Variants in DGKH observed in about 807,000 individuals in gnomAD.
The protein encoded by DGKH is diacylglycerol kinase eta, also known as DAG kinase eta.
In DGKH, 90 loss-of-function variants were observed where a neutral mutation model predicts 159.3. The observed-to-expected ratio is 0.57, with a 90% CI of 0.48 to 0.67. The LOEUF is 0.67. Among genes scored for constraint, DGKH ranks in the 30% least tolerant of loss-of-function variants. The pLI is 0.00. For missense variants in DGKH, 1,181 were observed against 1,506.1 expected (o/e 0.78, Z 3.57); for synonymous variants, 536 against 553.8 (o/e 0.97, Z 0.45).
chr13:42,252,437 C>T (rs1316115490), exon 30 of DGKH: 1 of 152,050 alleles, frequency 6.6e-6, no homozygotes, highest in Non-Finnish European at 1.5e-5. Flanking sequence ...AGATGGTCAC[C>T]TGCTTCTCTA....
intron 3 of DGKH, among the ~76,000 whole-genome samples, chr13:42,152,632 A>G (rs9533018): frequency 0.98 from 146,323 of 149,902 alleles, 71,510 homozygotes; most frequent in East Asian, 1. Context: ...GGCAGGGCAG[A>G]AGGGCACAGC....
Position 42,165,477 on chromosome 13 carries a change from A to G in DGKH, c.958+44A>G, listed in dbSNP as rs116874466. ...AGTACGTATATTTCTGGTATATTTA[A>G]CATTGATATGTATATTTCTTTTCCT... On this transcript the variant is annotated intron_variant, in intron 8 of 29. Transcript: ENST00000337343. 2,739 of 1,080,668 alleles carry G rather than the reference A, an allele frequency of 2.5e-3. 32 individuals are homozygous for G. The East Asian group carries it at 0.034, about 13-fold the overall frequency. The allele number at this position is 1,080,668 out of a possible 1,614,324, so 66.9% of individuals were successfully genotyped here.
At position 42,229,627 on chromosome 13, in the gene DGKH, G is replaced by A. The variant is rs1566219290; in HGVS notation, c.*439G>A. The A allele has an allele frequency of 6.5e-6, 1 of 154,264 alleles. No individual in the cohort carries two copies. The highest frequency in any genetic ancestry group is 1.4e-5 in the Non-Finnish European group (1 of 69,564). 9.6% of individuals were successfully genotyped at this position (154,264 alleles called of 1,614,324 possible). The stretch of plus-strand genomic sequence containing the variant: ...ATTTTCTTAAAATCATAGGTTAGGA[G>A]ACTAAAATATAAATTAAGTTGTGAT... On this transcript the variant is annotated 3_prime_UTR_variant, in exon 30 of 30. Coordinates refer to ENST00000337343, the MANE Select transcript of DGKH (RefSeq NM_178009.5).
Position 42,127,206 on chromosome 13 carries a change from A to G in DGKH, c.193-257A>G, listed in dbSNP as rs117926697. 6.5e-3 allele frequency among the ~76,000 whole-genome samples: 987 copies of G among 152,290 alleles called. 10 individuals carry two copies. Among genetic ancestry groups the G allele is most frequent in the Admixed American group, 0.011 (162 of 15,292 alleles). On this transcript the variant is annotated intron_variant, in intron 1 of 29. Transcript: ENST00000337343. The stretch of plus-strand genomic sequence containing the variant: ...CAGTGTGCACATAACACTGTATTGC[A>G]AGTATTAGTGTATGTGCATGTGTCT...
intron 1 of DGKH, among the ~76,000 whole-genome samples, chr13:42,099,056 T>C (rs1262910604): frequency 6.6e-6 from 1 of 152,192 alleles, no homozygotes; most frequent in African/African-American, 2.4e-5. Context: ...GGTTGCTTCA[T>C]CCCTGCTTGT....
At chr13:42,215,472 G>C (rs147192720) in intron 25 of DGKH, 103 bp from the exon 26 acceptor site, 3 of 865,566 alleles carry the variant, frequency 3.5e-6, no homozygotes, top group African/African-American at 3.4e-5. Flanking sequence ...GATTAAAAAT[G>C]TGTGCTGTGA....
chr13:42,237,775 GTGAT>G lies in DGKH; in HGVS notation c.*8592_*8595del, dbSNP rs1311631384. ...CAAATATCTGTGCTTTCTCATCTCAGTGATTGATGTCTGGAGAACTAGTCAGACA... is the reference window on the plus strand; with the variant it reads ...CAAATATCTGTGCTTTCTCATCTCAGTGATGTCTGGAGAACTAGTCAGACA... On this transcript the variant is annotated 3_prime_UTR_variant, in exon 30 of 30. Transcript: ENST00000337343. The G allele has an allele frequency of 6.6e-6, 1 of 152,208 alleles. No individual in the cohort carries two copies. Among genetic ancestry groups the G allele is most frequent in the African/African-American group, 2.4e-5 (1 of 41,452 alleles). 9.4% of individuals were successfully genotyped at this position (152,208 alleles called of 1,614,324 possible). A position where few individuals can be genotyped will look rare whatever the true frequency, so the allele number is the denominator to read the frequency against.
intron 3 of DGKH, chr13:42,138,067 A>G (rs1343067614): frequency 5.1e-6 from 5 of 985,152 alleles, no homozygotes; most frequent in Non-Finnish European, 6.0e-6. Context: ...TAGTCATCTC[A>G]TTCCCTGTGA....
rs1417076389 is a variant in DGKH, at chr13:42,207,003, C to CTTTCTTTCTTTCTTTCTT, written c.2601+859_2601+876dup. 5.0e-5 allele frequency among the ~76,000 whole-genome samples: 7 copies of CTTTCTTTCTTTCTTTCTT among 141,206 alleles called. 1 individual carries two copies. Among genetic ancestry groups the CTTTCTTTCTTTCTTTCTT allele is most frequent in the Non-Finnish European group, 9.2e-5 (6 of 65,482 alleles). The allele number at this position is 141,206 out of a possible 152,430, so 92.6% of individuals were successfully genotyped here. On this transcript the variant is annotated intron_variant, in intron 21 of 29. Transcript: ENST00000337343. ...TCTTTCTTTCTTTCTTTCTTTCTTT[C>CTTTCTTTCTTTCTTTCTT]TTTCTTTCTTTCTTTCTTTCTTTTT...
chr13:42,155,261 A>G, intron 3 of DGKH, 30 bp from the exon 4 acceptor site: 2 of 1,516,408 alleles, frequency 1.3e-6, no homozygotes, highest in Non-Finnish European at 1.8e-6. Flanking sequence ...TTGGGTATTA[A>G]CAATCATTAG....
chr13:42,207,693 GTGTATATATA>G (rs1359709082), intron 21 of DGKH, among the ~76,000 whole-genome samples: 3 of 126,534 alleles, frequency 2.4e-5, no homozygotes, highest in South Asian at 2.9e-4. Context: ...TTATTAAAGT[GTGTATATATA>G]TATATATATA....
At position 42,155,311 on chromosome 13, in the gene DGKH, G is replaced by T; in HGVS notation, c.405G>T (p.Arg135Ser). ...NSFTIITPFR[R>S]LMLCAENRKE... ...TTCAGATCATCACTCCATTCAGAAGGCTAATGCTGTGTGCTGAGAACAGAA... is the reference window on the plus strand; with the variant it reads ...TTCAGATCATCACTCCATTCAGAAGTCTAATGCTGTGTGCTGAGAACAGAA... Residue 135 changes from arginine to serine, a missense_variant, in exon 4 of 30, where the codon AGG becomes AGT. By Grantham distance (110) the Arg-to-Ser change is moderately radical. Transcript: ENST00000337343. 1.9e-6 allele frequency: 3 copies of T among 1,610,118 alleles called. No individual in the cohort carries two copies. Among genetic ancestry groups the T allele is most frequent in the Middle Eastern group, 1.7e-4 (1 of 6,054 alleles).
Position 42,159,334 on chromosome 13 carries a change from G to C in DGKH, c.691G>C (p.Ala231Pro), listed in dbSNP as rs769518173. The C allele has an allele frequency of 6.4e-7, 1 of 1,567,308 alleles. No individual in the cohort carries two copies. The highest frequency in any genetic ancestry group is 1.1e-5 in the South Asian group (1 of 90,394). ...AAATAACTGTAAATGGACTACCCTG[G>C]CCTCCATCGGGAAGGACATTATAGA... ...ATNNCKWTTL[A>P]SIGKDIIEDE... The change falls in exon 6 of 30, where the codon GCC becomes CCC. Residue 231 changes from alanine (A) to proline (P), a missense_variant. This residue lies in a region of DGKH where 369 missense variants were observed against 519.4 expected (regional missense o/e 0.71). Coordinates refer to ENST00000337343, the MANE Select transcript of DGKH (RefSeq NM_178009.5).
At chr13:42,209,559 T>C (rs1957586785) in intron 23 of DGKH, 94 bp downstream of exon 23, 2 of 1,311,230 alleles carry the variant, frequency 1.5e-6, no homozygotes, top group African/African-American at 3.0e-5. Context: ...ATTTAAATTG[T>C]CTCTTAAATC....
chr13:42,157,985 C>G (rs1956084563), intron 5 of DGKH, among the ~76,000 whole-genome samples: 1 of 152,208 alleles, frequency 6.6e-6, no homozygotes, highest in South Asian at 2.1e-4. Context: ...GTCTCAAACT[C>G]CTGACCTCAG....
chr13:42,068,371 A>C (rs1882730048), intron 1 of DGKH, among the ~76,000 whole-genome samples: 1 of 152,212 alleles, frequency 6.6e-6, no homozygotes, highest in Non-Finnish European at 1.5e-5. Flanking sequence ...ACTACAATAC[A>C]CACTGGCTAA....
At chr13:42,064,665 A>C (rs1164188071) in intron 1 of DGKH, among the ~76,000 whole-genome samples, 1 of 152,180 alleles carries the variant, frequency 6.6e-6, no homozygotes, top group Non-Finnish European at 1.5e-5. Flanking sequence ...AAATTTAAAA[A>C]AGGAAAGAAA....
At chr13:42,047,440 T>C (rs1182556288), upstream of DGKH, among the ~76,000 whole-genome samples, 1 of 152,254 alleles carries the variant, frequency 6.6e-6, no homozygotes, top group African/African-American at 2.4e-5. Context: ...TTGAATGCTT[T>C]CTCCAGGTGG....
chr13:42,190,430 G>A lies in DGKH; in HGVS notation c.1940G>A (p.Cys647Tyr), dbSNP rs1303519284. The A allele has an allele frequency of 1.2e-6, 2 of 1,609,590 alleles. No individual in the cohort carries two copies. Among genetic ancestry groups the A allele is most frequent in the Admixed American group, 3.4e-5 (2 of 59,088 alleles). The change falls in exon 16 of 30, where the codon TGT (cysteine) becomes TAT (tyrosine). Residue 647 changes from cysteine to tyrosine, a missense_variant. By Grantham distance (194) the Cys-to-Tyr change is radical. This residue lies in a region of DGKH where 257 missense variants were observed against 281.5 expected (regional missense o/e 0.91). Coordinates refer to ENST00000337343, the MANE Select transcript of DGKH (RefSeq NM_178009.5). ...KVMDDPTVHP[C>Y]EPANQSSDYD... is the part of the protein sequence containing the mutation. Reference sequence around the variant, plus strand: ...ATGGATGACCCGACAGTTCACCCCTGTGAACCAGCTAATCAGTCCTCTGAT... The same window carrying A: ...ATGGATGACCCGACAGTTCACCCCTATGAACCAGCTAATCAGTCCTCTGAT...
Sources: allele counts gnomAD v4.1 joint callset (sites outside exome capture counted in the v4.1 genomes callset), GRCh38; gene constraint gnomAD v4.1.1; regional missense constraint gnomAD v4.1.1; transcripts MANE v1.5; gene names NCBI Gene and HGNC (gene_info 2026-07-23, HGNC 2026-07-21).